Variants in TSPAN18 observed in about 807,000 individuals in gnomAD.
The protein encoded by TSPAN18 is tetraspanin-18.
In TSPAN18, 14 loss-of-function variants were observed where a neutral mutation model predicts 27.3. The observed-to-expected ratio is 0.51, with a 90% CI of 0.34 to 0.80. The LOEUF (loss-of-function observed/expected upper bound fraction) is 0.80. TSPAN18 is among the 30% of genes least tolerant of loss of function. TSPAN18 has a pLI of 0.01. For missense variants in TSPAN18, 268 were observed against 323.9 expected, an observed-to-expected ratio of 0.83 and a Z score of 1.32; for synonymous variants, 143 against 136.5, an observed-to-expected ratio of 1.05 and a Z score of -0.33.
intron 3 of TSPAN18, 65 bp from the exon 4 acceptor site, chr11:44,906,342 G>T: frequency 1.4e-6 from 2 of 1,460,366 alleles, no homozygotes; most frequent in Non-Finnish European, 1.9e-6. Flanking sequence ...CCCCTGGGGA[G>T]GGGCTGGGGT....
upstream of TSPAN18, chr11:44,726,826 C>G (rs1179980137): frequency 3.0e-5 from 3 of 98,632 alleles, no homozygotes; most frequent in African/African-American, 6.4e-5. Context: ...AGGGGCAGCC[C>G]GCAGAGGAGA....
In TSPAN18 at chr11:44,919,900, G is replaced by A. The variant is rs1339938574; in HGVS notation, c.516G>A (p.Val172=). ...FRLLTLDSEE[V]PEACCRREPQ... is the part of the protein sequence containing the mutation. ...TCCTGACCCTGGATAGTGAAGAGGTGCCGGAGGCCTGCTGCCGGAGGGAAC... is the reference window on the plus strand; with the variant it reads ...TCCTGACCCTGGATAGTGAAGAGGTACCGGAGGCCTGCTGCCGGAGGGAAC... The change falls in exon 8 of 10, where the codon GTG becomes GTA. Residue 172 remains valine (V), a synonymous_variant. Transcript: ENST00000520358. The A allele has an allele frequency of 6.2e-7, 1 of 1,614,118 alleles. No individual in the cohort carries two copies. The highest frequency in any genetic ancestry group is 1.3e-5 in the African/African-American group (1 of 74,940).
intron 2 of TSPAN18, among the ~76,000 whole-genome samples, chr11:44,816,280 G>C (rs775876188): frequency 6.6e-6 from 1 of 152,244 alleles, no homozygotes. Context: ...TGAGAACCAG[G>C]AGGCAGTTGC....
At chr11:44,758,237 T>A (rs1301700235) in intron 1 of TSPAN18, among the ~76,000 whole-genome samples, 1 of 152,228 alleles carries the variant, frequency 6.6e-6, no homozygotes, top group Admixed American at 6.5e-5. Flanking sequence ...TTCTTATATT[T>A]TTAGTTGAAT....
intron 1 of TSPAN18, among the ~76,000 whole-genome samples, chr11:44,758,197 A>G (rs955818738): frequency 1.3e-5 from 2 of 152,136 alleles, no homozygotes; most frequent in African/African-American, 4.8e-5. Context: ...TGGGTTTTTC[A>G]TATATGACTT....
chr11:44,846,174 GA>G (rs2135176899), intron 2 of TSPAN18, among the ~76,000 whole-genome samples: 1 of 152,330 alleles, frequency 6.6e-6, no homozygotes, highest in African/African-American at 2.4e-5. Flanking sequence ...TGAGGACATT[GA>G]GGCTCAGAGG....
chr11:44,912,450 A>G (rs1859757432), intron 5 of TSPAN18, among the ~76,000 whole-genome samples: 1 of 151,482 alleles, frequency 6.6e-6, no homozygotes, highest in Non-Finnish European at 1.5e-5. Context: ...GGCCCCGCCC[A>G]CACAAGCCTG....
intron 2 of TSPAN18, among the ~76,000 whole-genome samples, chr11:44,813,706 C>A (rs1304131880): frequency 6.6e-6 from 1 of 152,150 alleles, no homozygotes; most frequent in Admixed American, 6.5e-5. Context: ...CAGCTGCATG[C>A]ATGACAAAAA....
At chr11:44,864,769 C>T (rs1208695885) in intron 3 of TSPAN18, among the ~76,000 whole-genome samples, 1 of 152,194 alleles carries the variant, frequency 6.6e-6, no homozygotes, top group East Asian at 1.9e-4. Flanking sequence ...TTTCACCCCC[C>T]TTTGATGCTT....
chr11:44,830,001 C>T lies in TSPAN18; in HGVS notation c.-152-30327C>T, dbSNP rs149722514. Among the ~76,000 whole-genome samples the T allele has an allele frequency of 5.0e-4, 76 of 152,338 alleles. No homozygotes were observed. The East Asian group carries it at 0.011, about 22-fold the overall frequency. Reference sequence around the variant, plus strand: ...CCCACTGCACTGAGAATAAAATTCCCGCTCCTTCTGTGGTCTGAAGGGCCT... The same window carrying T: ...CCCACTGCACTGAGAATAAAATTCCTGCTCCTTCTGTGGTCTGAAGGGCCT... On this transcript the variant is annotated intron_variant, in intron 2 of 9. Coordinates refer to ENST00000520358, the MANE Select transcript of TSPAN18 (RefSeq NM_130783.5).
chr11:44,781,837 C>A (rs952095665), intron 2 of TSPAN18, among the ~76,000 whole-genome samples: 8 of 152,148 alleles, frequency 5.3e-5, no homozygotes. Flanking sequence ...CTTAGCCCTC[C>A]CCAGTTAATC....
intron 2 of TSPAN18, among the ~76,000 whole-genome samples, chr11:44,790,503 TTGTGTGTG>T (rs1565150664): frequency 1.4e-5 from 2 of 147,158 alleles, no homozygotes; most frequent in Admixed American, 6.7e-5. Context: ...ATGCATATGT[TTGTGTGTG>T]CATGTGTTTT....
chr11:44,728,629 G>C (rs1854578082), intron 1 of TSPAN18, among the ~76,000 whole-genome samples: 1 of 152,088 alleles, frequency 6.6e-6, no homozygotes, highest in East Asian at 1.9e-4. Flanking sequence ...TCATCCCCTG[G>C]GTCTGTGGTC....
At chr11:44,908,769 G>GAAAGAA (rs1554938043) in intron 4 of TSPAN18, among the ~76,000 whole-genome samples, 1,071 of 71,642 alleles carry the variant, frequency 0.015, 134 homozygotes, top group African/African-American at 0.05. Flanking sequence ...AGAGAGAAAG[G>GAAAGAA]AGAAAGAAAG....
At chr11:44,844,493 C>G (rs1012672719) in intron 2 of TSPAN18, among the ~76,000 whole-genome samples, 23 of 152,210 alleles carry the variant, frequency 1.5e-4, no homozygotes, top group African/African-American at 4.6e-4. Flanking sequence ...ACCTCCTCAT[C>G]CACACTTGGC....
At chr11:44,868,819 C>G (rs1858110580) in intron 3 of TSPAN18, among the ~76,000 whole-genome samples, 2 of 152,214 alleles carry the variant, frequency 1.3e-5, no homozygotes, top group African/African-American at 4.8e-5. Flanking sequence ...AGGCCGCTGG[C>G]TGGAGGGCCA....
chr11:44,803,315 G>T (rs1170752013), intron 2 of TSPAN18, among the ~76,000 whole-genome samples: 1 of 151,706 alleles, frequency 6.6e-6, no homozygotes, highest in East Asian at 1.9e-4. Flanking sequence ...ATTTGCCAGT[G>T]CTTAGATGTG....
intron 1 of TSPAN18, among the ~76,000 whole-genome samples, chr11:44,746,715 C>T (rs1467906048): frequency 2.0e-5 from 3 of 152,286 alleles, no homozygotes; most frequent in South Asian, 4.1e-4. Flanking sequence ...TATGATTGTA[C>T]TACTGCACTC....
intron 1 of TSPAN18, among the ~76,000 whole-genome samples, chr11:44,740,762 T>G (rs1482294359): frequency 1.3e-5 from 2 of 152,192 alleles, no homozygotes; most frequent in Non-Finnish European, 2.9e-5. Context: ...AGTCTTGGTT[T>G]GGTTCTAACA....
Sources: gnomAD v4.1 joint callset for allele counts (sites outside exome capture counted in the v4.1 genomes callset) on GRCh38, gnomAD v4.1.1 for gene constraint, MANE v1.5 for transcripts, NCBI Gene and HGNC (gene_info 2026-07-23, HGNC 2026-07-21) for gene names.